Variants in GRIP1 observed in about 807,000 individuals in gnomAD.
GRIP1 encodes the protein glutamate receptor-interacting protein 1.
In GRIP1, 45 loss-of-function variants were observed where a neutral mutation model predicts 129.9. That is an observed-to-expected ratio of 0.35 (90% CI 0.27 to 0.44). The LOEUF (loss-of-function observed/expected upper bound fraction) is 0.44, where lower values mean the gene tolerates loss of function less well. Ranked by LOEUF, GRIP1 falls within the 20% of genes least tolerant of loss-of-function variation. The pLI is 1.00. For synonymous variants in GRIP1, 530 were observed against 520.8 expected (o/e 1.02, Z -0.24); for missense variants, 1,196 against 1,396.8 (o/e 0.86, Z 2.29).
chr12:66,857,617 A>G (rs1258277961), intron 1 of GRIP1, among the ~76,000 whole-genome samples: 1 of 151,680 alleles, frequency 6.6e-6, no homozygotes, highest in Non-Finnish European at 1.5e-5. Flanking sequence ...TGAAGAGTGG[A>G]GGCATAAGTT....
chr12:66,837,192 C>G (rs1364215128), intron 1 of GRIP1, among the ~76,000 whole-genome samples: 1 of 152,152 alleles, frequency 6.6e-6, no homozygotes, highest in Non-Finnish European at 1.5e-5. Context: ...ACTGAGTACC[C>G]ACTATGAGCC....
chr12:66,615,190 C>A (rs1382424457), intron 1 of GRIP1, among the ~76,000 whole-genome samples: 1 of 152,084 alleles, frequency 6.6e-6, no homozygotes, highest in Non-Finnish European at 1.5e-5. Flanking sequence ...CATTTCTAAC[C>A]TGCATACACA....
At chr12:66,786,631 C>G (rs1389076011) in intron 1 of GRIP1, among the ~76,000 whole-genome samples, 1 of 152,152 alleles carries the variant, frequency 6.6e-6, no homozygotes, top group East Asian at 1.9e-4. Flanking sequence ...GCTGGAACAC[C>G]AAATACTCTG....
At chr12:66,688,764 T>C (rs2034871843) in intron 1 of GRIP1, among the ~76,000 whole-genome samples, 1 of 149,024 alleles carries the variant, frequency 6.7e-6, no homozygotes, top group Admixed American at 6.7e-5. Flanking sequence ...CACCAATCAC[T>C]GACTCTGAAA....
intron 5 of GRIP1, among the ~76,000 whole-genome samples, chr12:66,518,873 G>A (rs1021238797): frequency 7.2e-5 from 11 of 152,172 alleles, no homozygotes; most frequent in East Asian, 5.8e-4. Flanking sequence ...ATGCTTTTCC[G>A]AAAGTTGAAA....
intron 1 of GRIP1, among the ~76,000 whole-genome samples, chr12:66,819,751 G>A (rs2039285648): frequency 6.6e-6 from 1 of 152,172 alleles, no homozygotes. Context: ...ACAAGTGAAA[G>A]GCTAACAAAC....
chr12:66,867,065 T>C lies in GRIP1; in HGVS notation c.58+201985A>G, dbSNP rs375119885. On this transcript the variant is annotated intron_variant, in intron 1 of 1. Transcript: ENST00000643019. ...GTGCAGTGGCACAATCTCGGCTCCC[T>C]GCAACCTCCACCTCCCAGGTTCAAG... is the stretch of plus-strand genomic sequence containing the variant. 5.0e-4 allele frequency among the ~76,000 whole-genome samples: 76 copies of C among 152,296 alleles called. 2 individuals carry two copies. In the South Asian group the frequency reaches 0.015, roughly 31 times the overall value.
intron 1 of GRIP1, among the ~76,000 whole-genome samples, chr12:66,718,723 G>A (rs1384480773): frequency 6.6e-6 from 1 of 152,024 alleles, no homozygotes; most frequent in Non-Finnish European, 1.5e-5. Context: ...ATGGTGGCAG[G>A]CACCTGTAAT....
chr12:66,504,050 G>C (rs931681767), intron 7 of GRIP1, among the ~76,000 whole-genome samples: 4 of 152,142 alleles, frequency 2.6e-5, no homozygotes, highest in African/African-American at 7.2e-5. Context: ...TTGCTATAAG[G>C]CTGTACTGTC....
chr12:66,557,562 T>A (rs1592545853), intron 2 of GRIP1, among the ~76,000 whole-genome samples: 1 of 152,156 alleles, frequency 6.6e-6, no homozygotes, highest in East Asian at 1.9e-4. Context: ...AGATCATATG[T>A]TAGCACAAAA....
chr12:66,877,044 T>C (rs1292185762), intron 1 of GRIP1, among the ~76,000 whole-genome samples: 1 of 152,088 alleles, frequency 6.6e-6, no homozygotes, highest in Non-Finnish European at 1.5e-5. Context: ...TAACTGTGTG[T>C]GTATGAGTGA....
intron 1 of GRIP1, among the ~76,000 whole-genome samples, chr12:66,999,956 T>C (rs933361491): frequency 6.6e-6 from 1 of 152,190 alleles, no homozygotes; most frequent in South Asian, 2.1e-4. Context: ...CAATTTTTCT[T>C]CTTCCCTCCC....
At chr12:67,044,905 T>C (rs1161532519) in intron 1 of GRIP1, among the ~76,000 whole-genome samples, 2 of 152,230 alleles carry the variant, frequency 1.3e-5, no homozygotes, top group Admixed American at 6.5e-5. Flanking sequence ...GCTTTATATA[T>C]GTTAGTTTAT....
intron 19 of GRIP1, among the ~76,000 whole-genome samples, chr12:66,387,259 A>G (rs2056397666): frequency 6.6e-6 from 1 of 152,222 alleles, no homozygotes; most frequent in African/African-American, 2.4e-5. Flanking sequence ...GCATCAAGGT[A>G]AAGTCAGGGA....
chr12:66,719,492 T>A lies in GRIP1; in HGVS notation c.-420+84561A>T, dbSNP rs534063285. Among the ~76,000 whole-genome samples, 3 of 152,324 alleles carry A rather than the reference T, an allele frequency of 2.0e-5. No individual in the cohort carries two copies. The East Asian group carries it at 5.8e-4, about 29-fold the overall frequency. On this transcript the variant is annotated intron_variant, in intron 1 of 4. Transcript: ENST00000538373. Reference sequence around the variant, plus strand: ...TATCACTTGACTAATAGGAACTTATTGTAAATCCCTGAGATAGTATCACAT... The same window carrying A: ...TATCACTTGACTAATAGGAACTTATAGTAAATCCCTGAGATAGTATCACAT...
intron 4 of GRIP1, among the ~76,000 whole-genome samples, chr12:66,536,576 A>T (rs2061610333): frequency 6.6e-6 from 1 of 152,084 alleles, no homozygotes; most frequent in Non-Finnish European, 1.5e-5. Flanking sequence ...CCTCCTTCAC[A>T]AGTCATTGAC....
rs7397862 is a variant in GRIP1, at chr12:66,420,707, C to A, written c.1838+13G>T. 837,882 of 1,429,348 alleles carry A rather than the reference C, an allele frequency of 0.59. 253,695 individuals are homozygous for A. The highest frequency in any genetic ancestry group is 0.62 in the Non-Finnish European group (629,894 of 1,010,964). 88.5% of individuals were successfully genotyped at this position (1,429,348 alleles called of 1,614,324 possible). On this transcript the variant is annotated intron_variant, in intron 15 of 24. Coordinates refer to ENST00000359742, the MANE Select transcript of GRIP1 (RefSeq NM_001366722.1). Reference sequence around the variant, plus strand: ...GAGGCCTTAAAATGAATCAGAAAATCCATTTTCCTTACCTGTGTGCCACAC... The same window carrying A: ...GAGGCCTTAAAATGAATCAGAAAATACATTTTCCTTACCTGTGTGCCACAC...
At chr12:66,558,399 A>G (rs2062406604) in intron 2 of GRIP1, among the ~76,000 whole-genome samples, 1 of 152,154 alleles carries the variant, frequency 6.6e-6, no homozygotes, top group Non-Finnish European at 1.5e-5. Context: ...CCACAAGAAC[A>G]GTATGGGGAA....
chr12:66,668,541 G>A (rs569324229), intron 1 of GRIP1, among the ~76,000 whole-genome samples: 3 of 152,316 alleles, frequency 2.0e-5, no homozygotes, highest in African/African-American at 7.2e-5. Flanking sequence ...GCTTTGGGAG[G>A]AGGAGGGGAA....
Sources: allele counts gnomAD v4.1 joint callset (sites outside exome capture counted in the v4.1 genomes callset), GRCh38; gene constraint gnomAD v4.1.1; transcripts MANE v1.5; gene names NCBI Gene and HGNC (gene_info 2026-07-23, HGNC 2026-07-21).